Variants in SCAF4 observed in about 807,000 individuals in gnomAD.
SCAF4 encodes the protein SR-related CTD associated factor 4, also known as SR-related and CTD-associated factor 4.
SCAF4 carries 25 observed loss-of-function variants against 129.8 expected under a neutral mutation model. That is an observed-to-expected ratio of 0.19 (90% CI 0.14 to 0.27). The LOEUF is 0.27. Ranked by LOEUF, SCAF4 falls within the 10% of genes least tolerant of loss-of-function variation. SCAF4 has a pLI of 1.00. For synonymous variants in SCAF4, 551 were observed against 497.7 expected (o/e 1.11, Z -1.43); for missense variants, 1,246 against 1,457.1 (o/e 0.86, Z 2.36).
At chr21:31,725,198 C>A (rs76942935) in intron 1 of SCAF4, among the ~76,000 whole-genome samples, 4,739 of 152,220 alleles carry the variant, frequency 0.031, 95 homozygotes, top group Non-Finnish European at 0.046. Context: ...GAACTTTGAA[C>A]CCTCTGTCTA....
At chr21:31,714,448 C>CT (rs1354514834) in intron 1 of SCAF4, among the ~76,000 whole-genome samples, 1 of 152,138 alleles carries the variant, frequency 6.6e-6, no homozygotes, top group Non-Finnish European at 1.5e-5. Flanking sequence ...TGGCTCTTTG[C>CT]TTTGTCACTA....
chr21:31,691,876 A>C lies in SCAF4; in HGVS notation c.1669T>G (p.Tyr557Asp), dbSNP rs775503270. The C allele has an allele frequency of 4.3e-6, 7 of 1,609,966 alleles. No homozygotes were observed. In the East Asian group the frequency reaches 1.1e-4, roughly 26 times the overall value. ...CGGCTCAGTTTCTGCAGGGCACGAT[A>C]GGCATCTTGCCTATGAACCATAACA... The part of the protein sequence containing the change: ...YIVMVHRQDA[Y>D]RALQKLSRGN... The change falls in exon 14 of 20, where the codon TAT becomes GAT. Residue 557 changes from tyrosine to aspartate, a missense_variant. By Grantham distance (160) the Tyr-to-Asp change is radical. Transcript: ENST00000286835.
At chr21:31,696,033 G>T in intron 9 of SCAF4, 80 bp downstream of exon 9, 2 of 891,494 alleles carry the variant, frequency 2.2e-6, no homozygotes, top group Non-Finnish European at 1.7e-6. Context: ...TTACATAGCT[G>T]CAGAGTGCTC....
intron 1 of SCAF4, among the ~76,000 whole-genome samples, chr21:31,719,770 C>G (rs1013809706): frequency 6.6e-6 from 1 of 152,170 alleles, no homozygotes; most frequent in African/African-American, 2.4e-5. Context: ...TCCCAAAGTG[C>G]TGGGATTACA....
chr21:31,709,286 T>C (rs1601246305), intron 1 of SCAF4, among the ~76,000 whole-genome samples: 1 of 150,336 alleles, frequency 6.7e-6, no homozygotes, highest in Non-Finnish European at 1.5e-5. Context: ...CTGACTCTTT[T>C]CCCTTCCCTT....
chr21:31,704,152 T>C (rs1265115322), intron 3 of SCAF4, among the ~76,000 whole-genome samples: 3 of 152,046 alleles, frequency 2.0e-5, no homozygotes, highest in Non-Finnish European at 4.4e-5. Context: ...TTTACTCTTC[T>C]TTGATTTCTC....
chr21:31,672,237 T>C lies in SCAF4; in HGVS notation c.2606A>G (p.His869Arg). ...CGGCATCAAAGGGAACCGCTGTAAG[T>C]GAGGTGGGGGCATTCCTGGAGGGCG... ...LQRPPGMPPP[H>R]LQRFPLMPPR... Residue 869 changes from histidine to arginine, a missense_variant, in exon 20 of 20, where the codon CAC becomes CGC. Physicochemically the swap from His to Arg is conservative, Grantham distance 29. Coordinates refer to ENST00000286835, the MANE Select transcript of SCAF4 (RefSeq NM_020706.2). The C allele has an allele frequency of 6.2e-7, 1 of 1,611,734 alleles. No homozygotes were observed. The highest frequency in any genetic ancestry group is 8.5e-7 in the Non-Finnish European group (1 of 1,179,036).
chr21:31,727,062 T>C (rs929611803), intron 1 of SCAF4, among the ~76,000 whole-genome samples: 3 of 152,076 alleles, frequency 2.0e-5, no homozygotes, highest in Non-Finnish European at 4.4e-5. Context: ...TTTTATTTTC[T>C]CTGCACTATT....
intron 1 of SCAF4, among the ~76,000 whole-genome samples, chr21:31,719,258 C>G (rs1045052024): frequency 2.0e-5 from 3 of 151,946 alleles, no homozygotes; most frequent in African/African-American, 7.2e-5. Flanking sequence ...CCATCGCACT[C>G]TAGCCTGGGC....
Position 31,685,225 on chromosome 21 carries a change from A to G in SCAF4, c.2312T>C (p.Ile771Thr). 1.2e-6 allele frequency: 2 copies of G among 1,603,092 alleles called. No homozygotes were observed. Among genetic ancestry groups the G allele is most frequent in the Middle Eastern group, 2.0e-4 (1 of 5,068 alleles). ...ISIPNSTIAG[I>T]NEDTTKDLSI... ...TAAGTCTTTTGTAGTGTCTTCATTT[A>G]TACCAGCGATAGTAGCTAAGGAATA... The change falls in exon 19 of 20, where the codon ATA becomes ACA. Residue 771 changes from isoleucine to threonine, a missense_variant. By Grantham distance (89) the Ile-to-Thr change is moderately conservative. Around this residue, in one of 6 missense-constraint regions of SCAF4, gnomAD observed 468 missense variants for 605.5 expected, o/e 0.77. Transcript: ENST00000286835.
intron 1 of SCAF4, among the ~76,000 whole-genome samples, chr21:31,716,131 C>T (rs1202815545): frequency 1.3e-5 from 2 of 152,098 alleles, no homozygotes; most frequent in Admixed American, 6.5e-5. Context: ...CTTTTTAAAA[C>T]TTAAATCTCT....
chr21:31,700,895 A>G (rs757538904), intron 7 of SCAF4, 100 bp downstream of exon 7: 3 of 1,254,148 alleles, frequency 2.4e-6, no homozygotes, highest in Non-Finnish European at 3.5e-6. Flanking sequence ...TTACAAAACG[A>G]CATAATGAAC....
chr21:31,709,191 T>TG (rs1341860246), intron 1 of SCAF4, among the ~76,000 whole-genome samples: 15 of 151,516 alleles, frequency 9.9e-5, no homozygotes, highest in Non-Finnish European at 1.3e-4. Flanking sequence ...ACTGTGGGGG[T>TG]GGGGGGGAGC....
At chr21:31,677,811 T>C (rs1240678614) in intron 19 of SCAF4, among the ~76,000 whole-genome samples, 1 of 152,210 alleles carries the variant, frequency 6.6e-6, no homozygotes, top group African/African-American at 2.4e-5. Flanking sequence ...CCTTGAATTC[T>C]AACACGGCTA....
intron 1 of SCAF4, among the ~76,000 whole-genome samples, chr21:31,717,542 A>T (rs1601261582): frequency 6.6e-6 from 1 of 152,094 alleles, no homozygotes; most frequent in Admixed American, 6.5e-5. Context: ...TCAACTTTTG[A>T]TTATAAATAT....
chr21:31,676,679 T>G (rs1348806459), intron 19 of SCAF4, among the ~76,000 whole-genome samples: 1 of 152,238 alleles, frequency 6.6e-6, no homozygotes, highest in Non-Finnish European at 1.5e-5. Context: ...TTAGTTGTTT[T>G]GTTTGGTAAT....
intron 7 of SCAF4, among the ~76,000 whole-genome samples, chr21:31,697,620 T>C (rs1210245927): frequency 6.6e-6 from 1 of 152,214 alleles, no homozygotes; most frequent in African/African-American, 2.4e-5. Context: ...AAGCAATCTT[T>C]CCTTTCAAGC....
intron 19 of SCAF4, among the ~76,000 whole-genome samples, chr21:31,680,588 T>C (rs2049973124): frequency 1.3e-5 from 2 of 152,222 alleles, no homozygotes; most frequent in African/African-American, 2.4e-5. Flanking sequence ...TATAATTTAA[T>C]GTAACCAAAC....
At chr21:31,682,694 G>A (rs1198673024) in intron 19 of SCAF4, among the ~76,000 whole-genome samples, 1 of 152,148 alleles carries the variant, frequency 6.6e-6, no homozygotes, top group Non-Finnish European at 1.5e-5. Context: ...TAGTTTTCTG[G>A]TGAGCATAAC....
Sources: gnomAD v4.1 joint callset for allele counts (sites outside exome capture counted in the v4.1 genomes callset) on GRCh38, gnomAD v4.1.1 for gene constraint, gnomAD v4.1.1 regional missense constraint, MANE v1.5 for transcripts, NCBI Gene and HGNC (gene_info 2026-07-23, HGNC 2026-07-21) for gene names.